The following ZNF621 variants were observed in gnomAD, a reference collection of about 807,000 sequenced individuals.
The protein encoded by ZNF621 is zinc finger protein 621.
ZNF621 carries 6 observed loss-of-function variants against 12.7 expected under a neutral mutation model. The observed-to-expected ratio is 0.47, with a 90% confidence interval of 0.26 to 0.93. ZNF621 has a LOEUF of 0.93. Among genes scored for constraint, ZNF621 ranks in the 40% least tolerant of loss-of-function variants. The probability of loss-of-function intolerance (pLI) is 0.15; values close to 1 mark genes in which losing one functional copy is unlikely to be tolerated. For missense variants in ZNF621, 474 were observed against 524.0 expected, an observed-to-expected ratio of 0.90 and a Z score of 0.93; for synonymous variants, 156 against 190.3, an observed-to-expected ratio of 0.82 and a Z score of 1.48.
At position 40,534,385 on chromosome 3, in the gene ZNF621, T is replaced by A. The variant is rs1205298394; in HGVS notation, c.*1295T>A. 1 of 152,020 alleles carries A rather than the reference T, an allele frequency of 6.6e-6. No individual in the cohort carries two copies. The highest frequency in any genetic ancestry group is 1.5e-5 in the Non-Finnish European group (1 of 68,024). 9.4% of individuals were successfully genotyped at this position (152,020 alleles called of 1,614,324 possible). A position where few individuals can be genotyped will look rare whatever the true frequency, so the allele number is the denominator to read the frequency against. On this transcript the variant is annotated 3_prime_UTR_variant, in exon 5 of 5. Coordinates refer to ENST00000339296, the MANE Select transcript of ZNF621 (RefSeq NM_198484.5). ...CAACTATTCAGAGGACTGTGTGAAG[T>A]AGTTACTGGAAAAAGAACTTGAATT... is the stretch of plus-strand genomic sequence containing the variant.
chr3:40,535,140 C>T lies in ZNF621; in HGVS notation c.*2050C>T, dbSNP rs974907597. 1.3e-5 allele frequency: 2 copies of T among 152,296 alleles called. No homozygotes were observed. The highest frequency in any genetic ancestry group is 1.5e-5 in the Non-Finnish European group (1 of 68,028). 9.4% of individuals were successfully genotyped at this position (152,296 alleles called of 1,614,324 possible). On this transcript the variant is annotated 3_prime_UTR_variant, in exon 5 of 5. Transcript: ENST00000339296. ...CAGAAAGTGGCTGCGCCTTCAGCCC[C>T]GTGCTAGAATGAGAACATATGGAGC...
chr3:40,532,865 A>T lies in ZNF621; in HGVS notation c.1095A>T (p.Ile365=). Residue 365 remains isoleucine (I), a synonymous_variant, in exon 5 of 5, where the codon ATA becomes ATT. Transcript: ENST00000339296. ...GTCCCCAGTGCTCCTCTCCAGCCAT[A>T]CCTCCTGTTCTTCTCCAGGGATCCT... ...LVSPQCSSPA[I]PPVLLQGSCS... The T allele has an allele frequency of 6.2e-7, 1 of 1,610,888 alleles. No individual in the cohort carries two copies. The highest frequency in any genetic ancestry group is 1.1e-5 in the South Asian group (1 of 90,626).
chr3:40,536,836 A>G lies in ZNF621; in HGVS notation c.*3746A>G, dbSNP rs1698876651. On this transcript the variant is annotated 3_prime_UTR_variant, in exon 5 of 5. Coordinates refer to ENST00000339296, the MANE Select transcript of ZNF621 (RefSeq NM_198484.5). ...TTTTTCAACAGCATGTGCTCATTTC[A>G]TTTTTCTGTGTCTTACACAGAAACT... 2 of 151,364 alleles carry G rather than the reference A, an allele frequency of 1.3e-5. No individual in the cohort carries two copies. The highest frequency in any genetic ancestry group is 4.2e-4 in the South Asian group (2 of 4,798). 9.4% of individuals were successfully genotyped at this position (151,364 alleles called of 1,614,324 possible).
Position 40,536,267 on chromosome 3 carries a change from G to C in ZNF621, c.*3177G>C, listed in dbSNP as rs1237831723. On this transcript the variant is annotated 3_prime_UTR_variant, in exon 5 of 5. Transcript: ENST00000339296. Reference sequence around the variant, plus strand: ...AGCTAATTTTTTAATTTTTAGTAGAGACAGGGTTTCACCATGTTGGCCAGG... The same window carrying C: ...AGCTAATTTTTTAATTTTTAGTAGACACAGGGTTTCACCATGTTGGCCAGG... 1 of 152,152 alleles carries C rather than the reference G, an allele frequency of 6.6e-6. No individual in the cohort carries two copies. The highest frequency in any genetic ancestry group is 2.4e-5 in the African/African-American group (1 of 41,412). The allele number at this position is 152,152 out of a possible 1,614,324, so 9.4% of individuals were successfully genotyped here. A position where few individuals can be genotyped will look rare whatever the true frequency, so the allele number is the denominator to read the frequency against.
At position 40,535,524 on chromosome 3, in the gene ZNF621, C is replaced by A. The variant is rs1420199342; in HGVS notation, c.*2434C>A. The A allele has an allele frequency of 6.6e-6, 1 of 152,220 alleles. No individual in the cohort carries two copies. Among genetic ancestry groups the A allele is most frequent in the Admixed American group, 6.5e-5 (1 of 15,278 alleles). The allele number at this position is 152,220 out of a possible 1,614,324, so 9.4% of individuals were successfully genotyped here. A position where few individuals can be genotyped will look rare whatever the true frequency, so the allele number is the denominator to read the frequency against. On this transcript the variant is annotated 3_prime_UTR_variant, in exon 5 of 5. Transcript: ENST00000339296. ...GGTGCCTGCTACTGGACTGCCACCC[C>A]CCATTGAAGAGACTGGACCACCAGG...
At chr3:40,523,792 CA>C (rs560219486), upstream of ZNF621, among the ~76,000 whole-genome samples, 129 of 66,664 alleles carry the variant, frequency 1.9e-3, no homozygotes, top group Non-Finnish European at 1.9e-3. Flanking sequence ...AAAAAACAAG[CA>C]AAAAAAAAAA....
At chr3:40,529,208 G>A in intron 2 of ZNF621, 111 bp from the exon 3 acceptor site, 3 of 1,333,852 alleles carry the variant, frequency 2.2e-6, no homozygotes, top group Non-Finnish European at 3.1e-6. Flanking sequence ...GACCTTACAT[G>A]GGGCTCAGAG....
At position 40,532,314 on chromosome 3, in the gene ZNF621, A is replaced by C. The variant is rs142904234; in HGVS notation, c.544A>C (p.Lys182Gln). The change falls in exon 5 of 5, where the codon AAG becomes CAG. Residue 182 changes from lysine to glutamine, a missense_variant. Coordinates refer to ENST00000339296, the MANE Select transcript of ZNF621 (RefSeq NM_198484.5). Reference protein sequence around the residue: ...SHTGEKPFKCKECGKAFKSSY... With the variant: ...SHTGEKPFKCQECGKAFKSSY... ...TACTGGGGAAAAGCCCTTTAAGTGT[A>C]AGGAGTGTGGCAAAGCTTTCAAGTC... is the stretch of plus-strand genomic sequence containing the variant. 1 of 1,612,360 alleles carries C rather than the reference A, an allele frequency of 6.2e-7. No individual in the cohort carries two copies. The highest frequency in any genetic ancestry group is 1.3e-5 in the African/African-American group (1 of 74,922).
At position 40,532,700 on chromosome 3, in the gene ZNF621, G is replaced by C. The variant is rs1320541710; in HGVS notation, c.930G>C (p.Gln310His). The C allele has an allele frequency of 6.2e-7, 1 of 1,614,074 alleles. No homozygotes were observed. Among genetic ancestry groups the C allele is most frequent in the African/African-American group, 1.3e-5 (1 of 74,926 alleles). ...FTQKIASIQH[Q>H]RVHTGEKPYE... ...AGAAAATAGCCTCCATTCAGCATCA[G>C]AGAGTTCACACTGGGGAGAAGCCTT... Residue 310 changes from glutamine (Q) to histidine (H), a missense_variant, in exon 5 of 5, where the codon CAG (glutamine) becomes CAC (histidine). By Grantham distance (24) the Gln-to-His change is conservative. Transcript: ENST00000339296.
rs1435065833 is a variant in ZNF621 at position 40,532,951 on chromosome 3, C to T, written c.1181C>T (p.Thr394Ile). 10 of 1,554,678 alleles carry T rather than the reference C, an allele frequency of 6.4e-6. No individual in the cohort carries two copies. Among genetic ancestry groups the T allele is most frequent in the Non-Finnish European group, 8.7e-6 (10 of 1,148,630 alleles). Residue 394 changes from threonine (T) to isoleucine (I), a missense_variant, in exon 5 of 5, where the codon ACC becomes ATC. Thr to Ile is a moderately conservative substitution (Grantham distance 89). Transcript: ENST00000339296. ...LTFPHAVLIPTSGNFFMLLPT... is the reference protein window; with the variant it reads ...LTFPHAVLIPISGNFFMLLPT... Reference sequence around the variant, plus strand: ...TTTCCACATGCTGTGCTCATTCCTACCTCTGGGAATTTTTTCATGCTGCTG... The same window carrying T: ...TTTCCACATGCTGTGCTCATTCCTATCTCTGGGAATTTTTTCATGCTGCTG...
upstream of ZNF621, among the ~76,000 whole-genome samples, chr3:40,524,045 T>A (rs1698520981): frequency 6.6e-6 from 1 of 152,210 alleles, no homozygotes. Flanking sequence ...GGCAAGTACT[T>A]GTTAGTGACT....
rs544634986 is a variant in ZNF621, at chr3:40,537,519, C to G, written c.*4429C>G. ...TTGGGAGGCTGAAGTGAGAGGATCCCTTTAGCCAGGGAGTTCGAGACTGCA... is the reference window on the plus strand; with the variant it reads ...TTGGGAGGCTGAAGTGAGAGGATCCGTTTAGCCAGGGAGTTCGAGACTGCA... On this transcript the variant is annotated 3_prime_UTR_variant, in exon 5 of 5. Coordinates refer to ENST00000339296, the MANE Select transcript of ZNF621 (RefSeq NM_198484.5). The G allele has an allele frequency of 5.9e-5, 9 of 152,468 alleles. No individual in the cohort carries two copies. Among genetic ancestry groups the G allele is most frequent in the African/African-American group, 2.2e-4 (9 of 41,564 alleles). The allele number at this position is 152,468 out of a possible 1,614,324, so 9.4% of individuals were successfully genotyped here.
rs1420103435 is a variant in ZNF621, at chr3:40,533,151, A to AT, written c.*68dup. ...GCAAATCTCCAGCCTAATTTTATAT[A>AT]TTTTTTTGAGAAAGGGTCTTGCTCT... On this transcript the variant is annotated 3_prime_UTR_variant, in exon 5 of 5. Transcript: ENST00000339296. 2 of 1,503,002 alleles carry AT rather than the reference A, an allele frequency of 1.3e-6. No homozygotes were observed. The highest frequency in any genetic ancestry group is 1.4e-5 in the African/African-American group (1 of 70,982). The allele number at this position is 1,503,002 out of a possible 1,614,324, so 93.1% of individuals were successfully genotyped here. A position where few individuals can be genotyped will look rare whatever the true frequency, so the allele number is the denominator to read the frequency against.
chr3:40,534,708 CCCT>C lies in ZNF621; in HGVS notation c.*1625_*1627del, dbSNP rs1698820536. ...TATGCTTCAAACAGAAAATGCCCAC[CCCT>C]CCTCCTTTACCCAGCATAAACTCTA... is the stretch of plus-strand genomic sequence containing the variant. On this transcript the variant is annotated 3_prime_UTR_variant, in exon 5 of 5. Transcript: ENST00000339296. The C allele has an allele frequency of 2.6e-5, 4 of 152,144 alleles. No homozygotes were observed. In the South Asian group the frequency reaches 8.3e-4, roughly 32 times the overall value. The allele number at this position is 152,144 out of a possible 1,614,324, so 9.4% of individuals were successfully genotyped here. A position where few individuals can be genotyped will look rare whatever the true frequency, so the allele number is the denominator to read the frequency against.
In ZNF621 at chr3:40,530,212, C is replaced by A; in HGVS notation, c.155C>A (p.Ala52Glu). The A allele has an allele frequency of 6.2e-7, 1 of 1,612,978 alleles. No homozygotes were observed. The highest frequency in any genetic ancestry group is 8.5e-7 in the Non-Finnish European group (1 of 1,179,282). Reference protein sequence around the residue: ...ENYANVASLVAFPFPKPALIS... With the variant: ...ENYANVASLVEFPFPKPALIS... ...TCTTTCTCTTTTCTTCATGAAGTAG[C>A]GTTTCCATTCCCCAAACCTGCTCTG... Residue 52 changes from alanine to glutamate, a missense_variant, in exon 4 of 5, where the codon GCG becomes GAG. Transcript: ENST00000339296.
intron 4 of ZNF621, 88 bp from the exon 5 acceptor site, chr3:40,531,942 T>C: frequency 7.9e-7 from 1 of 1,269,628 alleles, no homozygotes; most frequent in South Asian, 1.4e-5. Flanking sequence ...TCTTTAAAAA[T>C]TACATTCTAC....
chr3:40,532,183 T>G lies in ZNF621; in HGVS notation c.413T>G (p.Leu138Arg). ...AAGGCACTGAAGCAGACTTTCAATC[T>G]AAATCCAAATCTGATACTTCGAGGT... ...KRKALKQTFNLNPNLILRGGM... is the reference protein window; with the variant it reads ...KRKALKQTFNRNPNLILRGGM... Residue 138 changes from leucine (L) to arginine (R), a missense_variant, in exon 5 of 5, where the codon CTA (leucine) becomes CGA (arginine). Physicochemically the swap from Leu to Arg is moderately radical, Grantham distance 102. Transcript: ENST00000339296. 6.2e-7 allele frequency: 1 copy of G among 1,614,208 alleles called. No individual in the cohort carries two copies. Among genetic ancestry groups the G allele is most frequent in the Non-Finnish European group, 8.5e-7 (1 of 1,180,036 alleles).
At chr3:40,525,488 T>TC in intron 1 of ZNF621, 2 of 481,922 alleles carry the variant, frequency 4.2e-6, no homozygotes, top group East Asian at 7.9e-5. Flanking sequence ...ACTCTTTACG[T>TC]TTGTAGAGAC....
At position 40,525,804 on chromosome 3, in the gene ZNF621, C is replaced by G; in HGVS notation, c.-37C>G. 1 of 1,614,158 alleles carries G rather than the reference C, an allele frequency of 6.2e-7. No individual in the cohort carries two copies. Among genetic ancestry groups the G allele is most frequent in the Non-Finnish European group, 8.5e-7 (1 of 1,180,014 alleles). On this transcript the variant is annotated 5_prime_UTR_variant, in exon 2 of 5. Coordinates refer to ENST00000339296, the MANE Select transcript of ZNF621 (RefSeq NM_198484.5). Reference sequence around the variant, plus strand: ...CTCTTGAGGATCTTGCTTGTCCAAACCCAGAAGACAGTGCATGAAGCCAGG... The same window carrying G: ...CTCTTGAGGATCTTGCTTGTCCAAAGCCAGAAGACAGTGCATGAAGCCAGG...
Sources: allele counts gnomAD v4.1 joint callset (sites outside exome capture counted in the v4.1 genomes callset), GRCh38; gene constraint gnomAD v4.1.1; transcripts MANE v1.5; gene names NCBI Gene and HGNC (gene_info 2026-07-23, HGNC 2026-07-21).